COP1: variants seen among roughly 807,000 people sequenced by gnomAD.
The protein encoded by COP1 is COP1 E3 ubiquitin ligase.
Under a neutral mutation model 101.3 loss-of-function variants are expected in COP1, and 24 were observed. The observed-to-expected ratio is 0.24, with a 90% CI of 0.17 to 0.33. COP1 has a LOEUF of 0.33. Among genes scored for constraint, COP1 ranks in the 10% least tolerant of loss-of-function variants. The pLI is 1.00. For synonymous variants in COP1, 347 were observed against 341.9 expected (o/e 1.01, Z -0.17); for missense variants, 663 against 906.2 (o/e 0.73, Z 3.45).
chr1:176,181,427 CAA>C (rs35756525), intron 2 of COP1, among the ~76,000 whole-genome samples: 72 of 147,060 alleles, frequency 4.9e-4, no homozygotes, highest in Admixed American at 5.4e-4. Context: ...AACAAAACTG[CAA>C]AAAAAAAAAA....
chr1:176,023,718 C>CAAAAAA (rs759455090), intron 15 of COP1, among the ~76,000 whole-genome samples: 157 of 121,912 alleles, frequency 1.3e-3, no homozygotes, highest in Middle Eastern at 0.01. Flanking sequence ...AACTCCATCT[C>CAAAAAA]AAAAAAAAAA....
At position 176,008,900 on chromosome 1, in the gene COP1, T is replaced by G. The variant is rs766907906; in HGVS notation, c.1729+18672A>C. ...GGAGTTGTTCCTGGGTCAGCAACAC[T>G]TAGCAGTAACAAGATTTCCTTAATG... is the stretch of plus-strand genomic sequence containing the variant. On this transcript the variant is annotated intron_variant, in intron 15 of 19. Coordinates refer to ENST00000367669, the MANE Select transcript of COP1 (RefSeq NM_022457.7). Among the ~76,000 whole-genome samples, 7 of 152,366 alleles carry G rather than the reference T, an allele frequency of 4.6e-5. No homozygotes were observed. In the South Asian group the frequency reaches 1.4e-3, roughly 32 times the overall value.
At chr1:176,136,649 T>C (rs566536879) in intron 6 of COP1, 102 bp from the exon 7 acceptor site, 1 of 731,548 alleles carries the variant, frequency 1.4e-6, no homozygotes, top group African/African-American at 1.8e-5. Context: ...AGGAAAATAA[T>C]TTCTATCAAA....
chr1:176,010,857 T>C (rs1338309007), intron 15 of COP1, among the ~76,000 whole-genome samples: 2 of 152,234 alleles, frequency 1.3e-5, no homozygotes, highest in South Asian at 2.1e-4. Context: ...TGACTCTTCA[T>C]AGAAAATCAA....
chr1:176,105,391 G>A (rs1264350563), intron 9 of COP1, among the ~76,000 whole-genome samples: 1 of 152,028 alleles, frequency 6.6e-6, no homozygotes, highest in Non-Finnish European at 1.5e-5. Flanking sequence ...AATAACCTTT[G>A]AATATACTAT....
chr1:176,049,150 G>A (rs1481915977), intron 11 of COP1, among the ~76,000 whole-genome samples: 1 of 143,284 alleles, frequency 7.0e-6, no homozygotes, highest in East Asian at 2.0e-4. Context: ...CCGCAGTCCG[G>A]CCTGGGCAAC....
chr1:176,048,160 C>T (rs1671835878), intron 11 of COP1, among the ~76,000 whole-genome samples: 1 of 149,396 alleles, frequency 6.7e-6, no homozygotes, highest in African/African-American at 2.5e-5. Context: ...TAAATGCTTC[C>T]TTAATTTTAT....
At chr1:176,113,255 T>C (rs1194369346) in intron 9 of COP1, among the ~76,000 whole-genome samples, 2 of 152,240 alleles carry the variant, frequency 1.3e-5, no homozygotes, top group Non-Finnish European at 2.9e-5. Context: ...TATGGTGAGA[T>C]GATATCTCAT....
chr1:176,151,848 G>A (rs115724265), intron 5 of COP1, among the ~76,000 whole-genome samples: 7 of 151,896 alleles, frequency 4.6e-5, no homozygotes, highest in African/African-American at 1.4e-4. Flanking sequence ...CTATAAATGA[G>A]TAATTTGGTC....
intron 18 of COP1, among the ~76,000 whole-genome samples, chr1:175,966,929 C>G (rs999904304): frequency 9.9e-5 from 15 of 152,168 alleles, no homozygotes; most frequent in African/African-American, 3.6e-4. Context: ...CTTCCACCCC[C>G]CATACACAAA....
At chr1:176,003,901 G>C (rs1662421148) in intron 15 of COP1, among the ~76,000 whole-genome samples, 1 of 152,102 alleles carries the variant, frequency 6.6e-6, no homozygotes, top group South Asian at 2.1e-4. Flanking sequence ...GGCGTTGGTA[G>C]CTTGATGGGG....
chr1:175,961,517 C>A (rs1021285333), intron 18 of COP1, among the ~76,000 whole-genome samples: 1 of 151,768 alleles, frequency 6.6e-6, no homozygotes, highest in South Asian at 2.1e-4. Flanking sequence ...CATAGGCCAA[C>A]AGGGGAAATG....
At chr1:175,955,286 T>A (rs1468318403) in intron 18 of COP1, among the ~76,000 whole-genome samples, 1 of 151,896 alleles carries the variant, frequency 6.6e-6, no homozygotes, top group Non-Finnish European at 1.5e-5. Flanking sequence ...ACACAGAAAA[T>A]GCACTTGAGA....
At chr1:176,147,667 T>A (rs1691770114) in intron 6 of COP1, among the ~76,000 whole-genome samples, 1 of 152,178 alleles carries the variant, frequency 6.6e-6, no homozygotes, top group Admixed American at 6.5e-5. Context: ...GCATGATTCA[T>A]CCAGAAGTTT....
At chr1:176,061,494 C>T (rs150225247) in intron 11 of COP1, among the ~76,000 whole-genome samples, 6,380 of 152,202 alleles carry the variant, frequency 0.042, 158 homozygotes, top group Non-Finnish European at 0.048. Context: ...GGCATGGTGG[C>T]GTGCGCCTGT....
At chr1:176,199,175 G>C (rs1033887917) in intron 1 of COP1, among the ~76,000 whole-genome samples, 1 of 152,110 alleles carries the variant, frequency 6.6e-6, no homozygotes, top group East Asian at 1.9e-4. Context: ...AAATTAGCTT[G>C]GCATGGTGGC....
intron 1 of COP1, 98 bp downstream of exon 1, chr1:176,206,474 C>G: frequency 7.0e-7 from 1 of 1,437,042 alleles, no homozygotes; most frequent in South Asian, 1.2e-5. Flanking sequence ...ATCCCAAGCT[C>G]TCCAACAAGC....
At chr1:176,201,021 A>C (rs1700210336) in intron 1 of COP1, among the ~76,000 whole-genome samples, 2 of 152,210 alleles carry the variant, frequency 1.3e-5, no homozygotes, top group African/African-American at 4.8e-5. Context: ...TACAGGTTGA[A>C]TATCCCTAAT....
intron 11 of COP1, among the ~76,000 whole-genome samples, chr1:176,064,229 A>G (rs1180949346): frequency 2.0e-5 from 3 of 152,178 alleles, no homozygotes; most frequent in African/African-American, 7.2e-5. Flanking sequence ...AAAGTTTGAA[A>G]ACTTACAATT....
Sources: allele counts gnomAD v4.1 joint callset (sites outside exome capture counted in the v4.1 genomes callset), GRCh38; gene constraint gnomAD v4.1.1; transcripts MANE v1.5; gene names NCBI Gene and HGNC (gene_info 2026-07-23, HGNC 2026-07-21).